DPH6: variants seen among roughly 807,000 people sequenced by gnomAD.
DPH6 encodes diphthamine biosynthesis 6, also known as diphthine--ammonia ligase.
A neutral mutation model predicts 38.2 loss-of-function variants in DPH6; 33 were observed. That is an observed-to-expected ratio of 0.86 (90% CI 0.65 to 1.15). The LOEUF (loss-of-function observed/expected upper bound fraction) is 1.15. Among genes scored for constraint, DPH6 ranks in the 50% most tolerant of loss-of-function variants. DPH6 has a pLI of 0.00. For synonymous variants in DPH6, 108 were observed against 103.0 expected (o/e 1.05, Z -0.30); for missense variants, 325 against 320.0 (o/e 1.02, Z -0.12).
chr15:35,483,421 A>G (rs1214426904), intron 3 of DPH6, among the ~76,000 whole-genome samples: 2 of 151,532 alleles, frequency 1.3e-5, no homozygotes, highest in African/African-American at 4.8e-5. Flanking sequence ...CTGAGATCGC[A>G]CCATTGCATT....
intron 3 of DPH6, among the ~76,000 whole-genome samples, chr15:35,516,229 C>T (rs2054844929): frequency 1.3e-5 from 2 of 152,144 alleles, no homozygotes; most frequent in South Asian, 4.1e-4. Context: ...CAGCTAAATT[C>T]TCTAAGAACC....
At chr15:35,187,409 T>C in the DPH6 span, among the ~76,000 whole-genome samples, 1 of 152,212 alleles carries the variant, frequency 6.6e-6, no homozygotes, top group African/African-American at 2.4e-5. Context: ...GTACCAGTAA[T>C]AGCTGAATGG....
chr15:35,188,712 G>A, the DPH6 span, among the ~76,000 whole-genome samples: 1 of 152,054 alleles, frequency 6.6e-6, no homozygotes, highest in African/African-American at 2.4e-5. Flanking sequence ...AAAATACTTT[G>A]GTGACACATG....
At chr15:35,472,238 G>C (rs1044900243) in intron 3 of DPH6, among the ~76,000 whole-genome samples, 1 of 152,158 alleles carries the variant, frequency 6.6e-6, no homozygotes, top group African/African-American at 2.4e-5. Flanking sequence ...TGACAGAACT[G>C]AGAAACCAAA....
At chr15:35,146,496 T>C in the DPH6 span, among the ~76,000 whole-genome samples, 15 of 152,168 alleles carry the variant, frequency 9.9e-5, no homozygotes, top group Admixed American at 1.3e-4. Flanking sequence ...TTGGATGTTA[T>C]GATGAGAGGG....
At chr15:35,419,664 G>T (rs955876931) in intron 5 of DPH6, among the ~76,000 whole-genome samples, 4 of 152,114 alleles carry the variant, frequency 2.6e-5, no homozygotes, top group Non-Finnish European at 4.4e-5. Flanking sequence ...ACCTTAGACA[G>T]AATAGGTTTT....
intron 5 of DPH6, among the ~76,000 whole-genome samples, chr15:35,416,257 A>G (rs1163453413): frequency 2.0e-5 from 3 of 152,088 alleles, no homozygotes; most frequent in Admixed American, 1.3e-4. Context: ...CATTTCACAC[A>G]GGGCAGAACA....
At chr15:35,369,153 T>C (rs532831027), downstream of DPH6, among the ~76,000 whole-genome samples, 26 of 151,758 alleles carry the variant, frequency 1.7e-4, no homozygotes, top group African/African-American at 6.3e-4. Flanking sequence ...TGGTGGCCAG[T>C]ATTATCAAGG....
intron 3 of DPH6, among the ~76,000 whole-genome samples, chr15:35,498,440 T>TA (rs1360342585): frequency 1.3e-5 from 2 of 152,112 alleles, no homozygotes; most frequent in African/African-American, 2.4e-5. Flanking sequence ...TTTATTACCA[T>TA]AAAAAACAGA....
intron 4 of DPH6, among the ~76,000 whole-genome samples, chr15:35,451,043 G>T (rs936092468): frequency 1.3e-5 from 2 of 151,964 alleles, no homozygotes; most frequent in Admixed American, 1.3e-4. Context: ...ATTAATTTTA[G>T]TAAGACTCTT....
the DPH6 span, among the ~76,000 whole-genome samples, chr15:35,176,454 T>C: frequency 6.6e-6 from 1 of 151,462 alleles, no homozygotes; most frequent in South Asian, 2.1e-4. Flanking sequence ...TATCTTGCCA[T>C]CATTCGACAG....
intron 6 of DPH6, among the ~76,000 whole-genome samples, chr15:35,405,615 G>C (rs2053281642): frequency 6.6e-6 from 1 of 151,938 alleles, no homozygotes. Flanking sequence ...GTCTCTTTAG[G>C]TTTTTTGAAA....
At chr15:35,501,964 A>G (rs1489018101) in intron 3 of DPH6, among the ~76,000 whole-genome samples, 1 of 152,168 alleles carries the variant, frequency 6.6e-6, no homozygotes, top group Non-Finnish European at 1.5e-5. Flanking sequence ...AGATGTTAGC[A>G]ACTTGACTTA....
chr15:35,367,898 T>C (rs2052674676), downstream of DPH6, among the ~76,000 whole-genome samples: 1 of 151,808 alleles, frequency 6.6e-6, no homozygotes, highest in South Asian at 2.1e-4. Context: ...TGGCATATAA[T>C]GTGAAATGGA....
At chr15:35,474,692 A>C (rs1351560872) in intron 3 of DPH6, among the ~76,000 whole-genome samples, 1 of 152,190 alleles carries the variant, frequency 6.6e-6, no homozygotes, top group Non-Finnish European at 1.5e-5. Flanking sequence ...AAGAATTTTT[A>C]AAATGTTTAT....
At chr15:35,449,108 A>G (rs1366845113) in intron 5 of DPH6, among the ~76,000 whole-genome samples, 2 of 151,194 alleles carry the variant, frequency 1.3e-5, no homozygotes, top group East Asian at 3.9e-4. Flanking sequence ...CATCATTTAT[A>G]TGTTTCTATG....
chr15:35,427,496 T>C (rs922127408), intron 5 of DPH6, among the ~76,000 whole-genome samples: 1 of 151,828 alleles, frequency 6.6e-6, no homozygotes, highest in African/African-American at 2.4e-5. Flanking sequence ...TAAGATTTTA[T>C]GGAATTACAG....
chr15:35,268,268 T>C lies in DPH6; in HGVS notation n.201-47686A>G, dbSNP rs537015411. Among the ~76,000 whole-genome samples the C allele has an allele frequency of 1.5e-3, 221 of 151,838 alleles. 1 individual carries two copies. Among genetic ancestry groups the C allele is most frequent in the Admixed American group, 4.1e-3 (63 of 15,248 alleles). ...AGAGTGTATCATTAATAAAATAAAA[T>C]GGTGTAGCCATATTTGCAGCAAGAA... On this transcript the variant is annotated intron_variant and non_coding_transcript_variant, in intron 3 of 3. Coordinates refer to the DPH6 transcript ENST00000560386.
intron 6 of DPH6, among the ~76,000 whole-genome samples, chr15:35,388,411 G>A (rs2053003028): frequency 6.6e-6 from 1 of 152,194 alleles, no homozygotes; most frequent in East Asian, 1.9e-4. Context: ...AGTTTCAGAA[G>A]GAATGGTACC....
Sources: allele counts gnomAD v4.1 joint callset (sites outside exome capture counted in the v4.1 genomes callset), GRCh38; gene constraint gnomAD v4.1.1; transcripts MANE v1.5; gene names NCBI Gene and HGNC (gene_info 2026-07-23, HGNC 2026-07-21).